Variants in LRIG1 observed in about 807,000 individuals in gnomAD.
LRIG1 encodes leucine rich repeats and immunoglobulin like domains 1, also known as leucine-rich repeats and immunoglobulin-like domains protein 1.
Under a neutral mutation model 99.2 loss-of-function variants are expected in LRIG1, and 48 were observed. The ratio of observed to expected loss-of-function variants is 0.48; its 90% CI spans 0.38 to 0.62. The LOEUF is 0.62. LRIG1 is among the 20% of genes least tolerant of loss of function. The pLI, the probability that LRIG1 is intolerant of heterozygous loss-of-function variation, is 0.00. For missense variants in LRIG1, 1,646 were observed against 1,434.4 expected (o/e 1.15, Z -2.38); for synonymous variants, 772 against 596.1 (o/e 1.29, Z -4.30).
intron 1 of LRIG1, among the ~76,000 whole-genome samples, chr3:66,464,233 T>C (rs76261073): frequency 0.032 from 4,847 of 152,244 alleles, 174 homozygotes; most frequent in Non-Finnish European, 0.04. Context: ...AACTTTTGTA[T>C]CATCATAGGT....
At chr3:66,492,696 G>A (rs1326873189) in intron 1 of LRIG1, among the ~76,000 whole-genome samples, 2 of 151,994 alleles carry the variant, frequency 1.3e-5, no homozygotes, top group Admixed American at 6.6e-5. Flanking sequence ...AACTGAACAA[G>A]CAGTAATTAG....
Position 66,386,282 on chromosome 3 carries a change from C to T in LRIG1, c.1488G>A (p.Gln496=). 6.2e-7 allele frequency: 1 copy of T among 1,613,916 alleles called. No individual in the cohort carries two copies. The highest frequency in any genetic ancestry group is 8.5e-7 in the Non-Finnish European group (1 of 1,179,916). The stretch of plus-strand genomic sequence containing the variant: ...TGGTGGTTTCTGGCTGGGTGATGAT[C>T]TGTGGCTTCAGGAAGTCATCTGGGG... The part of the protein sequence containing the change: ...SFVCDDFLKP[Q]IITQPETTMA... Residue 496 remains glutamine (Q), a synonymous_variant, in exon 13 of 19, where the codon CAG becomes CAA. Coordinates refer to ENST00000273261, the MANE Select transcript of LRIG1 (RefSeq NM_015541.3).
At chr3:66,382,892 C>CT (rs769334595) in intron 15 of LRIG1, 90 bp downstream of exon 15, 16 of 1,255,040 alleles carry the variant, frequency 1.3e-5, no homozygotes, top group Non-Finnish European at 1.8e-5. Flanking sequence ...CAGTGCAATT[C>CT]TTTCAAAAGC....
chr3:66,487,740 C>T (rs903123841), intron 1 of LRIG1, among the ~76,000 whole-genome samples: 3 of 152,116 alleles, frequency 2.0e-5, no homozygotes, highest in Non-Finnish European at 2.9e-5. Context: ...CACTGACACA[C>T]GAGGCTCGAA....
chr3:66,413,043 G>T (rs1559786200), intron 5 of LRIG1, 29 bp from the exon 6 acceptor site: 3 of 1,613,836 alleles, frequency 1.9e-6, no homozygotes, highest in Non-Finnish European at 2.5e-6. Flanking sequence ...CAGGGTCAGA[G>T]TGTCTTATGT....
chr3:66,500,599 G>A lies in LRIG1; in HGVS notation c.-192C>T. The stretch of plus-strand genomic sequence containing the variant: ...CCCCCGGTGCCCGGGCCGCTCCGGA[G>A]CACCCGGCGGGGGCCGCAAACCCCG... On this transcript the variant is annotated 5_prime_UTR_variant, in exon 1 of 19. Transcript: ENST00000273261. 2.8e-6 allele frequency: 1 copy of A among 352,918 alleles called. No homozygotes were observed. Among genetic ancestry groups the A allele is most frequent in the Non-Finnish European group, 5.0e-6 (1 of 198,400 alleles). The allele number at this position is 352,918 out of a possible 1,614,324, so 21.9% of individuals were successfully genotyped here.
At chr3:66,449,798 C>T (rs1703841903) in intron 3 of LRIG1, among the ~76,000 whole-genome samples, 1 of 152,310 alleles carries the variant, frequency 6.6e-6, no homozygotes, top group South Asian at 2.1e-4. Flanking sequence ...TCTCTGTGGC[C>T]CTAGCTTCCT....
chr3:66,380,070 T>C lies in LRIG1; in HGVS notation c.*193A>G, dbSNP rs935255536. 2.3e-5 allele frequency: 12 copies of C among 515,170 alleles called. No homozygotes were observed. The highest frequency in any genetic ancestry group is 1.5e-4 in the African/African-American group (8 of 52,882). The allele number at this position is 515,170 out of a possible 1,614,324, so 31.9% of individuals were successfully genotyped here. ...TATGTACAATGATATCAAATACTTT[T>C]TTTGCCTTTTGTACACAAATCCCCT... On this transcript the variant is annotated 3_prime_UTR_variant, in exon 19 of 19. Transcript: ENST00000273261.
At chr3:66,416,544 C>T (rs1260960487) in intron 4 of LRIG1, among the ~76,000 whole-genome samples, 1 of 152,076 alleles carries the variant, frequency 6.6e-6, no homozygotes, top group Non-Finnish European at 1.5e-5. Flanking sequence ...ACTTTTTTTC[C>T]TTCCTGTCTA....
Position 66,500,389 on chromosome 3 carries a change from C to A in LRIG1, c.19G>T (p.Gly7Ter). MARPVR[G>*]GLGAPRRSPC... ...GAGCGGCGCGGGGCCCCGAGCCCTCCCCGGACCGGCCGCGCCATCTTGTCT... is the reference window on the plus strand; with the variant it reads ...GAGCGGCGCGGGGCCCCGAGCCCTCACCGGACCGGCCGCGCCATCTTGTCT... Residue 7 changes from glycine to a stop codon, truncating the protein, a stop_gained, in exon 1 of 19, where the codon GGA becomes TGA. Coordinates refer to ENST00000273261, the MANE Select transcript of LRIG1 (RefSeq NM_015541.3). LOFTEE classifies it high-confidence loss of function. 7.0e-7 allele frequency: 1 copy of A among 1,433,122 alleles called. No homozygotes were observed. Among genetic ancestry groups the A allele is most frequent in the Non-Finnish European group, 9.1e-7 (1 of 1,101,532 alleles). The allele number at this position is 1,433,122 out of a possible 1,614,324, so 88.8% of individuals were successfully genotyped here. A position where few individuals can be genotyped will look rare whatever the true frequency, so the allele number is the denominator to read the frequency against.
chr3:66,465,233 C>T lies in LRIG1; in HGVS notation c.219-2724G>A, dbSNP rs139077130. Among the ~76,000 whole-genome samples the T allele has an allele frequency of 6.6e-5, 10 of 152,018 alleles. No homozygotes were observed. The East Asian group carries it at 1.7e-3, about 26-fold the overall frequency. On this transcript the variant is annotated intron_variant, in intron 1 of 18. Transcript: ENST00000273261. ...AAGAGTGGAGCCAGCTGTAGATCCT[C>T]AATAGGTTTATTGGGAAATAAGGAA...
chr3:66,483,667 A>C (rs1345069220), intron 1 of LRIG1, among the ~76,000 whole-genome samples: 1 of 152,252 alleles, frequency 6.6e-6, no homozygotes, highest in African/African-American at 2.4e-5. Flanking sequence ...CACAAGGGGA[A>C]GGGTGTCTAG....
At chr3:66,432,501 G>A (rs769849244) in intron 3 of LRIG1, among the ~76,000 whole-genome samples, 5 of 152,250 alleles carry the variant, frequency 3.3e-5, no homozygotes, top group Admixed American at 2.0e-4. Flanking sequence ...GTAGCTAGGC[G>A]CTGGCTTCGC....
At chr3:66,389,243 A>C (rs915897461) in intron 12 of LRIG1, among the ~76,000 whole-genome samples, 1 of 152,204 alleles carries the variant, frequency 6.6e-6, no homozygotes, top group African/African-American at 2.4e-5. Context: ...GTATTTAAAA[A>C]ACAGGGAATT....
At chr3:66,467,193 C>A (rs1700492306) in intron 1 of LRIG1, among the ~76,000 whole-genome samples, 2 of 152,168 alleles carry the variant, frequency 1.3e-5, no homozygotes, top group Non-Finnish European at 1.5e-5. Flanking sequence ...CTTGCCCCAA[C>A]CCCAAGGAAT....
Position 66,380,616 on chromosome 3 carries a change from C to A in LRIG1, c.3016G>T (p.Ala1006Ser). 2 of 1,614,170 alleles carry A rather than the reference C, an allele frequency of 1.2e-6. No homozygotes were observed. The highest frequency in any genetic ancestry group is 1.7e-6 in the Non-Finnish European group (2 of 1,180,010). The change falls in exon 18 of 19, where the codon GCT becomes TCT. Residue 1006 changes from alanine to serine, a missense_variant. Coordinates refer to ENST00000273261, the MANE Select transcript of LRIG1 (RefSeq NM_015541.3). Reference sequence around the variant, plus strand: ...GATGCCATTGGCTTTTTCTTCACAGCCGTCAGCATTCTATCGTGGTTACTG... The same window carrying A: ...GATGCCATTGGCTTTTTCTTCACAGACGTCAGCATTCTATCGTGGTTACTG... ...YPSNHDRMLTAVKKKPMASLD... is the reference protein window; with the variant it reads ...YPSNHDRMLTSVKKKPMASLD...
intron 3 of LRIG1, among the ~76,000 whole-genome samples, chr3:66,437,495 C>A (rs975051901): frequency 7.2e-5 from 11 of 152,178 alleles, no homozygotes; most frequent in Non-Finnish European, 4.4e-5. Flanking sequence ...CAAGACTTAT[C>A]CCCTGGCTGG....
intron 6 of LRIG1, 41 bp downstream of exon 6, chr3:66,412,830 C>A (rs12493943): frequency 6.2e-7 from 1 of 1,609,010 alleles, no homozygotes; most frequent in Admixed American, 1.7e-5. Context: ...CCACACCGCA[C>A]AGCAATCCTT....
chr3:66,432,503 T>C (rs1023105796), intron 3 of LRIG1, among the ~76,000 whole-genome samples: 4 of 152,310 alleles, frequency 2.6e-5, no homozygotes, highest in African/African-American at 9.6e-5. Flanking sequence ...AGCTAGGCGC[T>C]GGCTTCGCTC....
Sources: allele counts gnomAD v4.1 joint callset (sites outside exome capture counted in the v4.1 genomes callset), GRCh38; gene constraint gnomAD v4.1.1; transcripts MANE v1.5; gene names NCBI Gene and HGNC (gene_info 2026-07-23, HGNC 2026-07-21).